Variants in CHSY1 observed in about 807,000 individuals in gnomAD.
The protein encoded by CHSY1 is N-acetylgalactosaminyl-proteoglycan 3-beta-glucuronosyltransferase 1.
CHSY1 carries 13 observed loss-of-function variants against 59.8 expected under a neutral mutation model. The ratio of observed to expected loss-of-function variants is 0.22; its 90% CI spans 0.14 to 0.35. The LOEUF (loss-of-function observed/expected upper bound fraction) is 0.35. CHSY1 is among the 10% of genes least tolerant of loss of function. CHSY1 has a pLI of 1.00. For missense variants in CHSY1, 947 were observed against 1,030.6 expected (o/e 0.92, Z 1.11); for synonymous variants, 459 against 401.2 (o/e 1.14, Z -1.72).
intron 2 of CHSY1, among the ~76,000 whole-genome samples, chr15:101,219,384 G>A (rs1474274451): frequency 6.6e-6 from 1 of 152,212 alleles, no homozygotes; most frequent in Non-Finnish European, 1.5e-5. Context: ...CAAAGGCTGA[G>A]GCCCTGGTAG....
At position 101,176,002 on chromosome 15, in the gene CHSY1, C is replaced by G; in HGVS notation, c.*1386G>C. Reference sequence around the variant, plus strand: ...CTGGTATAATGACAGATTCATTTCACTTTTGTCCCCAAAACACATGAGCAC... The same window carrying G: ...CTGGTATAATGACAGATTCATTTCAGTTTTGTCCCCAAAACACATGAGCAC... On this transcript the variant is annotated 3_prime_UTR_variant, in exon 3 of 3. Transcript: ENST00000254190. 1 of 337,382 alleles carries G rather than the reference C, an allele frequency of 3.0e-6. No individual in the cohort carries two copies. The highest frequency in any genetic ancestry group is 5.3e-6 in the Non-Finnish European group (1 of 188,740). The allele number at this position is 337,382 out of a possible 1,614,324, so 20.9% of individuals were successfully genotyped here. A position where few individuals can be genotyped will look rare whatever the true frequency, so the allele number is the denominator to read the frequency against.
chr15:101,190,574 A>C (rs1385020153), intron 2 of CHSY1, among the ~76,000 whole-genome samples: 1 of 152,230 alleles, frequency 6.6e-6, no homozygotes, highest in African/African-American at 2.4e-5. Context: ...TCTAGACACA[A>C]CACCAAAGAC....
chr15:101,231,688 C>A (rs533095122), intron 2 of CHSY1, among the ~76,000 whole-genome samples: 1 of 152,180 alleles, frequency 6.6e-6, no homozygotes, highest in Non-Finnish European at 1.5e-5. Context: ...TTGACCCTTG[C>A]GACCTATGCA....
At chr15:101,233,218 T>C (rs1297890194) in intron 2 of CHSY1, among the ~76,000 whole-genome samples, 1 of 152,192 alleles carries the variant, frequency 6.6e-6, no homozygotes, top group African/African-American at 2.4e-5. Flanking sequence ...AGCCCCAGGA[T>C]GACACTTTCT....
intron 2 of CHSY1, among the ~76,000 whole-genome samples, chr15:101,197,948 A>T (rs1410748012): frequency 6.6e-6 from 1 of 152,170 alleles, no homozygotes; most frequent in African/African-American, 2.4e-5. Context: ...AAGAGAGGAA[A>T]GCCTGCTGGG....
intron 2 of CHSY1, among the ~76,000 whole-genome samples, chr15:101,202,143 T>C: frequency 6.9e-6 from 1 of 145,236 alleles, no homozygotes; most frequent in African/African-American, 2.6e-5. Flanking sequence ...CAGGGAAGGA[T>C]GGAGGGCATT....
At chr15:101,224,806 G>C (rs190231297) in intron 2 of CHSY1, among the ~76,000 whole-genome samples, 4 of 152,308 alleles carry the variant, frequency 2.6e-5, no homozygotes, top group Admixed American at 2.0e-4. Flanking sequence ...GCCACCACCA[G>C]ATGCAGCTGC....
intron 2 of CHSY1, among the ~76,000 whole-genome samples, chr15:101,179,331 G>A (rs1032710367): frequency 1.3e-5 from 2 of 152,188 alleles, no homozygotes; most frequent in Non-Finnish European, 2.9e-5. Flanking sequence ...CTGTGAAAGG[G>A]ACCCACAGAG....
At chr15:101,192,544 G>A (rs2038457530) in intron 2 of CHSY1, among the ~76,000 whole-genome samples, 1 of 151,900 alleles carries the variant, frequency 6.6e-6, no homozygotes, top group Admixed American at 6.6e-5. Context: ...ATGGCAACAA[G>A]AGCTAAGACA....
chr15:101,180,182 C>T lies in CHSY1; in HGVS notation c.817-1202G>A, dbSNP rs556250196. Among the ~76,000 whole-genome samples, 4 of 152,238 alleles carry T rather than the reference C, an allele frequency of 2.6e-5. No homozygotes were observed. The South Asian group carries it at 8.3e-4, about 31-fold the overall frequency. Reference sequence around the variant, plus strand: ...TATAAATGGGCACTTTTATACCTTACTTCTTTTTCTCATAAGGTAAAAAGT... The same window carrying T: ...TATAAATGGGCACTTTTATACCTTATTTCTTTTTCTCATAAGGTAAAAAGT... On this transcript the variant is annotated intron_variant, in intron 2 of 2. Transcript: ENST00000254190.
intron 2 of CHSY1, among the ~76,000 whole-genome samples, chr15:101,193,880 A>C (rs1029221985): frequency 6.6e-6 from 1 of 152,182 alleles, no homozygotes. Context: ...GACCACTCTG[A>C]CATCACTTCT....
At chr15:101,239,728 C>T (rs2038983407) in intron 1 of CHSY1, among the ~76,000 whole-genome samples, 1 of 125,456 alleles carries the variant, frequency 8.0e-6, no homozygotes, top group African/African-American at 3.9e-5. Flanking sequence ...ACCTGAGCCT[C>T]AAGCTATGTA....
chr15:101,184,505 C>T (rs1294300066), intron 2 of CHSY1, among the ~76,000 whole-genome samples: 1 of 151,920 alleles, frequency 6.6e-6, no homozygotes, highest in African/African-American at 2.4e-5. Context: ...TACACCACCA[C>T]ATACAGCTAA....
At chr15:101,183,208 G>A in intron 2 of CHSY1, among the ~76,000 whole-genome samples, 1 of 152,026 alleles carries the variant, frequency 6.6e-6, no homozygotes, top group Non-Finnish European at 1.5e-5. Flanking sequence ...GCACACAGGA[G>A]GGAAAACAAC....
At chr15:101,242,838 T>C (rs759553445) in intron 1 of CHSY1, among the ~76,000 whole-genome samples, 1 of 152,228 alleles carries the variant, frequency 6.6e-6, no homozygotes, top group East Asian at 1.9e-4. Flanking sequence ...TTTCCGGGTA[T>C]GTGGTTTCCT....
intron 1 of CHSY1, among the ~76,000 whole-genome samples, chr15:101,246,630 G>T (rs2039055652): frequency 6.6e-6 from 1 of 152,150 alleles, no homozygotes; most frequent in African/African-American, 2.4e-5. Flanking sequence ...ATTTCAAACT[G>T]GTAGGGAAAT....
At chr15:101,247,749 G>C (rs961235516) in intron 1 of CHSY1, among the ~76,000 whole-genome samples, 9 of 152,102 alleles carry the variant, frequency 5.9e-5, no homozygotes, top group South Asian at 4.1e-4. Flanking sequence ...GCTATATCTT[G>C]GTGGCCCCCA....
At position 101,220,018 on chromosome 15, in the gene CHSY1, T is replaced by C. The variant is rs376728426; in HGVS notation, c.816+15064A>G. Among the ~76,000 whole-genome samples, 24 of 152,340 alleles carry C rather than the reference T, an allele frequency of 1.6e-4. No individual in the cohort carries two copies. The East Asian group carries it at 3.9e-3, about 25-fold the overall frequency. The stretch of plus-strand genomic sequence containing the variant: ...ATCCGCCTGCCTCGGCCTCCCAAAG[T>C]GCTGGGATTATAAGCATGAGCCACT... On this transcript the variant is annotated intron_variant, in intron 2 of 2. Transcript: ENST00000254190.
intron 2 of CHSY1, among the ~76,000 whole-genome samples, chr15:101,193,492 A>T (rs532583421): frequency 9.8e-6 from 1 of 102,468 alleles, no homozygotes; most frequent in Non-Finnish European, 2.8e-5. Flanking sequence ...GCACGGAGCA[A>T]GCATAAACGG....
Sources: gnomAD v4.1 joint callset for allele counts (sites outside exome capture counted in the v4.1 genomes callset) on GRCh38, gnomAD v4.1.1 for gene constraint, MANE v1.5 for transcripts, NCBI Gene and HGNC (gene_info 2026-07-23, HGNC 2026-07-21) for gene names.